The following LRRC4C variants were observed in gnomAD, a reference collection of about 807,000 sequenced individuals.
LRRC4C encodes leucine rich repeat containing 4C.
Under a neutral mutation model 33.6 loss-of-function variants are expected in LRRC4C, and 5 were observed. That is an observed-to-expected ratio of 0.15 (90% CI 0.08 to 0.31). The LOEUF (loss-of-function observed/expected upper bound fraction) is 0.31. Among genes scored for constraint, LRRC4C ranks in the 10% least tolerant of loss-of-function variants. The pLI is 1.00. For missense variants in LRRC4C, 560 were observed against 796.7 expected (o/e 0.70, Z 3.58); for synonymous variants, 329 against 302.0 (o/e 1.09, Z -0.93).
At chr11:40,707,866 T>C (rs1946249071) in intron 2 of LRRC4C, among the ~76,000 whole-genome samples, 1 of 152,216 alleles carries the variant, frequency 6.6e-6, no homozygotes, top group Non-Finnish European at 1.5e-5. Flanking sequence ...TGGTAACCTA[T>C]TAATTATTGC....
intron 3 of LRRC4C, among the ~76,000 whole-genome samples, chr11:40,423,334 A>G (rs552798117): frequency 1.4e-3 from 193 of 135,840 alleles, no homozygotes; most frequent in Non-Finnish European, 2.4e-3. Flanking sequence ...TCAGTTGTTC[A>G]TGTTCTTTTT....
intron 1 of LRRC4C, among the ~76,000 whole-genome samples, chr11:41,211,793 G>A (rs1015498199): frequency 2.0e-5 from 3 of 152,124 alleles, no homozygotes; most frequent in Admixed American, 6.5e-5. Flanking sequence ...ATAAACATAC[G>A]TGCTCATGTG....
chr11:40,298,653 A>G (rs768229573), intron 4 of LRRC4C, among the ~76,000 whole-genome samples: 1 of 151,982 alleles, frequency 6.6e-6, no homozygotes, highest in Non-Finnish European at 1.5e-5. Flanking sequence ...GAAGTGTATT[A>G]GTCTGTTTTC....
At chr11:40,712,353 A>G (rs1399704746) in intron 2 of LRRC4C, among the ~76,000 whole-genome samples, 1 of 152,162 alleles carries the variant, frequency 6.6e-6, no homozygotes, top group Non-Finnish European at 1.5e-5. Context: ...CCCAGATCCC[A>G]TAGCTAACAC....
intron 3 of LRRC4C, among the ~76,000 whole-genome samples, chr11:40,480,289 G>T (rs1444761870): frequency 6.8e-6 from 1 of 147,228 alleles, no homozygotes; most frequent in Non-Finnish European, 1.5e-5. Context: ...GCTTGCTTCT[G>T]CTTTTTTTTT....
chr11:40,883,237 A>G (rs146435642), intron 2 of LRRC4C, among the ~76,000 whole-genome samples: 2,031 of 152,120 alleles, frequency 0.013, 54 homozygotes, highest in African/African-American at 0.047. Flanking sequence ...CCTGAGATGC[A>G]ACTCTAAATT....
In LRRC4C at chr11:40,633,325, T is replaced by TTCTCTTTCTTTCTTTC. The variant is rs772299978; in HGVS notation, c.-270+14816_-270+14817insGAAAGAAAGAAAGAGA. ...AAATCTTAGCTCAGCCAAGTTTTCT[T>TTCTCTTTCTTTCTTTC]TTTCTTTCTTTCTTTCTTTCTTTCT... On this transcript the variant is annotated intron_variant, in intron 3 of 6. Transcript: ENST00000528697. 4.2e-3 allele frequency among the ~76,000 whole-genome samples: 466 copies of TTCTCTTTCTTTCTTTC among 112,228 alleles called. 20 individuals carry two copies. The highest frequency in any genetic ancestry group is 7.8e-3 in the East Asian group (26 of 3,330). 73.6% of individuals were successfully genotyped at this position (112,228 alleles called of 152,430 possible).
chr11:40,930,898 A>G (rs1957589683), intron 2 of LRRC4C, among the ~76,000 whole-genome samples: 1 of 152,208 alleles, frequency 6.6e-6, no homozygotes, highest in Non-Finnish European at 1.5e-5. Context: ...AAAAACAGAA[A>G]AGTTAATTAA....
chr11:41,314,487 G>T (rs2137210613), intron 1 of LRRC4C, among the ~76,000 whole-genome samples: 1 of 152,230 alleles, frequency 6.6e-6, no homozygotes, highest in South Asian at 2.1e-4. Flanking sequence ...TTTTGGTACT[G>T]TTATAAAAAG....
intron 1 of LRRC4C, among the ~76,000 whole-genome samples, chr11:41,355,629 G>A (rs1280316932): frequency 6.6e-6 from 1 of 151,966 alleles, no homozygotes; most frequent in Non-Finnish European, 1.5e-5. Flanking sequence ...CCATGTTGTT[G>A]TTAACTCTTT....
intron 2 of LRRC4C, among the ~76,000 whole-genome samples, chr11:40,841,930 A>G (rs1467191919): frequency 1.3e-5 from 2 of 152,170 alleles, no homozygotes; most frequent in Non-Finnish European, 2.9e-5. Flanking sequence ...TGAGCAGGGT[A>G]TAATACAATC....
chr11:40,656,683 A>G (rs1943134190), intron 2 of LRRC4C, among the ~76,000 whole-genome samples: 1 of 152,174 alleles, frequency 6.6e-6, no homozygotes, highest in African/African-American at 2.4e-5. Flanking sequence ...ATGTAAACCT[A>G]TGCTAATTTT....
At chr11:40,562,559 C>T (rs935206829) in intron 3 of LRRC4C, among the ~76,000 whole-genome samples, 4 of 152,254 alleles carry the variant, frequency 2.6e-5, no homozygotes, top group East Asian at 3.9e-4. Context: ...GACACTTGCA[C>T]GAATCACAAA....
At chr11:41,415,656 G>A (rs529687289) in intron 1 of LRRC4C, among the ~76,000 whole-genome samples, 52 of 152,192 alleles carry the variant, frequency 3.4e-4, no homozygotes, top group Non-Finnish European at 5.3e-4. Flanking sequence ...GAGCAGCAAC[G>A]TTTTAATTCA....
Position 40,689,691 on chromosome 11 carries a change from G to A in LRRC4C, c.-406-41413C>T, listed in dbSNP as rs186678680. On this transcript the variant is annotated intron_variant, in intron 2 of 6. Transcript: ENST00000528697. ...CATTTATCACCAAAAAACAGCTAAG[G>A]TTAGTTTGACTTGGCTGCTAGTTAG... 2.3e-4 allele frequency among the ~76,000 whole-genome samples: 35 copies of A among 152,128 alleles called. No homozygotes were observed. The East Asian group carries it at 5.2e-3, about 23-fold the overall frequency.
intron 5 of LRRC4C, among the ~76,000 whole-genome samples, chr11:40,142,277 CAAAAAAAAAA>C (rs10577509): frequency 3.3e-5 from 2 of 60,778 alleles, no homozygotes; most frequent in African/African-American, 1.3e-4. Context: ...GATTCTGTCT[CAAAAAAAAAA>C]AAAAAAAAAA....
chr11:41,109,505 A>G (rs1941705083), intron 1 of LRRC4C, among the ~76,000 whole-genome samples: 1 of 152,122 alleles, frequency 6.6e-6, no homozygotes, highest in South Asian at 2.1e-4. Context: ...CTTTGGCCCC[A>G]GAGCCCTCAA....
intron 3 of LRRC4C, among the ~76,000 whole-genome samples, chr11:40,452,590 A>T (rs930501231): frequency 3.3e-5 from 5 of 152,202 alleles, no homozygotes; most frequent in Non-Finnish European, 5.9e-5. Flanking sequence ...GTGGGACTGT[A>T]AACTAGTTCA....
intron 3 of LRRC4C, among the ~76,000 whole-genome samples, chr11:40,432,726 A>G (rs1464197265): frequency 1.3e-5 from 2 of 152,166 alleles, no homozygotes; most frequent in East Asian, 3.9e-4. Context: ...CACCTGATTT[A>G]TTATACTTTG....
Sources: allele counts gnomAD v4.1 joint callset (sites outside exome capture counted in the v4.1 genomes callset), GRCh38; gene constraint gnomAD v4.1.1; transcripts MANE v1.5; gene names NCBI Gene and HGNC (gene_info 2026-07-23, HGNC 2026-07-21).